The following GRIA3 variants were observed in gnomAD, a reference collection of about 807,000 sequenced individuals.
GRIA3 encodes glutamate receptor 3.
A neutral mutation model predicts 63.0 loss-of-function variants in GRIA3; 3 were observed. The observed-to-expected ratio is 0.05, with a 90% CI of 0.02 to 0.12. The LOEUF (loss-of-function observed/expected upper bound fraction) is 0.12, where lower values mean the gene tolerates loss of function less well. GRIA3 is among the 10% of genes least tolerant of loss of function. The pLI, the probability that GRIA3 is intolerant of heterozygous loss-of-function variation, is 1.00. For synonymous variants in GRIA3, 274 were observed against 257.9 expected, an observed-to-expected ratio of 1.06 and a Z score of -0.60; for missense variants, 347 against 700.9, an observed-to-expected ratio of 0.50 and a Z score of 5.70.
At position 123,419,275 on chromosome X, in the gene GRIA3, G is replaced by A. The variant is rs754288056; in HGVS notation, c.1877+1497G>A. On this transcript the variant is annotated intron_variant, in intron 11 of 15. Coordinates refer to ENST00000620443, the MANE Select transcript of GRIA3 (RefSeq NM_007325.5). ...ATACAAAAAATTAGCTGGGCATGGT[G>A]GTGGGCACTTGTAATCCCAGCTACA... 2.3e-4 allele frequency among the ~76,000 whole-genome samples: 26 copies of A among 110,851 alleles called. No individual in the cohort carries two copies. In the East Asian group the frequency reaches 7.1e-3, roughly 30 times the overall value.
chrX:123,369,324 A>G (rs5911602), intron 5 of GRIA3, among the ~76,000 whole-genome samples: 15,461 of 111,864 alleles, frequency 0.14, 1,022 homozygotes, highest in Non-Finnish European at 0.2. Context: ...TCTGTCCCAT[A>G]GGCAAAACAT....
chrX:123,435,173 C>G (rs147389277), intron 12 of GRIA3, among the ~76,000 whole-genome samples: 5 of 112,157 alleles, frequency 4.5e-5, no homozygotes, highest in Non-Finnish European at 7.5e-5. Flanking sequence ...TATGGAGCTA[C>G]TTCCCAGCAT....
At chrX:123,263,179 C>T (rs1366345702) in intron 3 of GRIA3, among the ~76,000 whole-genome samples, 1 of 112,150 alleles carries the variant, frequency 8.9e-6, no homozygotes, top group Non-Finnish European at 1.9e-5. Context: ...TATGGCTACA[C>T]ATGATGCCTT....
At chrX:123,485,066 A>T (rs1330701450) in intron 15 of GRIA3, among the ~76,000 whole-genome samples, 1 of 112,640 alleles carries the variant, frequency 8.9e-6, no homozygotes, top group East Asian at 2.8e-4. Context: ...CAATGTGCTT[A>T]AAATGTTTTA....
At chrX:123,281,107 G>A (rs1037505949) in intron 3 of GRIA3, among the ~76,000 whole-genome samples, 6 of 111,290 alleles carry the variant, frequency 5.4e-5, no homozygotes, top group African/African-American at 2.0e-4. Flanking sequence ...AGGCCACACT[G>A]AGCTCAGCTA....
chrX:123,371,453 C>T (rs956651992), intron 5 of GRIA3, among the ~76,000 whole-genome samples: 1 of 110,575 alleles, frequency 9.0e-6, no homozygotes, highest in African/African-American at 3.3e-5. Context: ...TTTTAAGGAA[C>T]CTCCAAACTG....
chrX:123,212,512 A>C (rs1210366431), intron 2 of GRIA3, among the ~76,000 whole-genome samples: 2 of 111,998 alleles, frequency 1.8e-5, no homozygotes, highest in Non-Finnish European at 3.8e-5. Context: ...TTCAGGCTTA[A>C]ATAGGTTCAA....
chrX:123,324,849 T>C (rs1361400023), intron 3 of GRIA3, among the ~76,000 whole-genome samples: 1 of 111,317 alleles, frequency 9.0e-6, no homozygotes, highest in East Asian at 2.8e-4. Context: ...TGAAGAAAAT[T>C]CCGAATTGTA....
intron 2 of GRIA3, among the ~76,000 whole-genome samples, chrX:123,226,260 G>T (rs2147267942): frequency 9.0e-6 from 1 of 111,534 alleles, no homozygotes; most frequent in Non-Finnish European, 1.9e-5. Flanking sequence ...TTTGGAAAAT[G>T]AGGATATGGG....
In GRIA3 at chrX:123,299,604, C is replaced by T. The variant is rs192203352; in HGVS notation, c.509-26422C>T. ...GTATCCTGAGACTTTGCTGAAGTTG[C>T]TTATCAGCTTAAGAAGCTTTGGGGC... On this transcript the variant is annotated intron_variant, in intron 3 of 15. Coordinates refer to ENST00000620443, the MANE Select transcript of GRIA3 (RefSeq NM_007325.5). 1.2e-4 allele frequency among the ~76,000 whole-genome samples: 13 copies of T among 111,589 alleles called. 1 individual carries two copies. The East Asian group carries it at 3.7e-3, about 31-fold the overall frequency.
chrX:123,227,999 T>A (rs1160727678), intron 2 of GRIA3, among the ~76,000 whole-genome samples: 1 of 112,101 alleles, frequency 8.9e-6, no homozygotes, highest in East Asian at 2.8e-4. Context: ...TCGCTTCCAT[T>A]TTGGAGACTG....
chrX:123,381,965 G>C (rs2045327166), intron 5 of GRIA3, among the ~76,000 whole-genome samples: 1 of 111,901 alleles, frequency 8.9e-6, no homozygotes, highest in Non-Finnish European at 1.9e-5. Flanking sequence ...AGAAGGTTTA[G>C]GGAAAAATCC....
At chrX:123,285,577 C>CAAAAAAAAAAAAAAAAA (rs59101106) in intron 3 of GRIA3, among the ~76,000 whole-genome samples, 5 of 10,168 alleles carry the variant, frequency 4.9e-4, no homozygotes, top group Non-Finnish European at 7.9e-4. Context: ...AAATGAAAAG[C>CAAAAAAAAAAAAAAAAA]AAAAAAAAAA....
intron 3 of GRIA3, among the ~76,000 whole-genome samples, chrX:123,268,949 A>G (rs1025775302): frequency 8.9e-6 from 1 of 112,474 alleles, no homozygotes; most frequent in Non-Finnish European, 1.9e-5. Flanking sequence ...GCCTAAAGCT[A>G]AAAGAACTGC....
At chrX:123,415,635 G>T (rs1473684226) in intron 10 of GRIA3, among the ~76,000 whole-genome samples, 1 of 111,487 alleles carries the variant, frequency 9.0e-6, no homozygotes, top group African/African-American at 3.3e-5. Flanking sequence ...TACTTTTGGG[G>T]GGATAGATGG....
intron 2 of GRIA3, among the ~76,000 whole-genome samples, chrX:123,226,352 T>C (rs1252446428): frequency 8.9e-6 from 1 of 112,153 alleles, no homozygotes. Context: ...CCTACATTTT[T>C]TCAAAGCTTG....
At chrX:123,422,545 G>T (rs2045568714) in intron 11 of GRIA3, among the ~76,000 whole-genome samples, 2 of 111,895 alleles carry the variant, frequency 1.8e-5, no homozygotes, top group Non-Finnish European at 3.8e-5. Flanking sequence ...GGTACAGGCA[G>T]ATGGAAGAAG....
chrX:123,373,906 T>G (rs2045266640), intron 5 of GRIA3, among the ~76,000 whole-genome samples: 1 of 111,828 alleles, frequency 8.9e-6, no homozygotes, highest in South Asian at 3.7e-4. Flanking sequence ...TTGCTTTTGG[T>G]GTTTTAGACA....
chrX:123,260,457 AAAGG>A (rs1250379209), intron 3 of GRIA3, among the ~76,000 whole-genome samples: 5 of 10,847 alleles, frequency 4.6e-4, no homozygotes, highest in African/African-American at 1.0e-3. Context: ...AGAAAGAAAG[AAAGG>A]AAGGAAGAAG....
Sources: allele counts gnomAD v4.1 joint callset (sites outside exome capture counted in the v4.1 genomes callset), GRCh38; gene constraint gnomAD v4.1.1; transcripts MANE v1.5; gene names NCBI Gene and HGNC (gene_info 2026-07-23, HGNC 2026-07-21).